The following MPDZ variants were observed in gnomAD, a reference collection of about 807,000 sequenced individuals.
The protein encoded by MPDZ is multiple PDZ domain crumbs cell polarity complex component.
A neutral mutation model predicts 239.1 loss-of-function variants in MPDZ; 234 were observed. The observed-to-expected ratio is 0.98, with a 90% CI of 0.88 to 1.09. The LOEUF (loss-of-function observed/expected upper bound fraction) is 1.09. Ranked by LOEUF, MPDZ falls within the 50% of genes least tolerant of loss-of-function variation. The pLI is 0.00. For missense variants in MPDZ, 3,175 were observed against 2,510.0 expected (o/e 1.26, Z -5.66); for synonymous variants, 1,048 against 881.3 (o/e 1.19, Z -3.35).
At chr9:13,210,767 G>A (rs1479446550) in intron 10 of MPDZ, among the ~76,000 whole-genome samples, 1 of 152,102 alleles carries the variant, frequency 6.6e-6, no homozygotes, top group Non-Finnish European at 1.5e-5. Flanking sequence ...TCAGGGGCCA[G>A]TGGGAAGAAG....
At position 13,250,398 on chromosome 9, in the gene MPDZ, T is replaced by A. The variant is rs866123277; in HGVS notation, c.-57-26A>T. On this transcript the variant is annotated intron_variant, in intron 1 of 46. Transcript: ENST00000319217. Reference sequence around the variant, plus strand: ...CTGTGCAAAAAAGAAATAGAATGGTTATGTTTTATCAGAACTTTATATTCT... The same window carrying A: ...CTGTGCAAAAAAGAAATAGAATGGTAATGTTTTATCAGAACTTTATATTCT... 34 of 1,238,848 alleles carry A rather than the reference T, an allele frequency of 2.7e-5. 2 individuals are homozygous for A. In the Middle Eastern group the frequency reaches 5.5e-3, roughly 200 times the overall value. 76.7% of individuals were successfully genotyped at this position (1,238,848 alleles called of 1,614,324 possible).
At chr9:13,190,052 C>A in intron 16 of MPDZ, 62 bp downstream of exon 16, 1 of 1,436,674 alleles carries the variant, frequency 7.0e-7, no homozygotes. Context: ...CTATCATCAT[C>A]TGCTTTTTCT....
At chr9:13,236,244 T>G (rs1963933728) in intron 3 of MPDZ, among the ~76,000 whole-genome samples, 1 of 5,976 alleles carries the variant, frequency 1.7e-4, no homozygotes, top group Non-Finnish European at 1.3e-3. Flanking sequence ...TATGTGTGTG[T>G]GTGTGTATAT....
At chr9:13,113,838 TGG>T in intron 41 of MPDZ, 91 bp downstream of exon 41, 1 of 965,012 alleles carries the variant, frequency 1.0e-6, no homozygotes. Flanking sequence ...TGGGATGATT[TGG>T]GGGAAAAGAA....
In MPDZ at chr9:13,168,415, G is replaced by T. The variant is rs776267677; in HGVS notation, c.3205C>A (p.Gln1069Lys). Residue 1069 changes from glutamine (Q) to lysine (K), a missense_variant, in exon 22 of 47, where the codon CAG (glutamine) becomes AAG (lysine). Coordinates refer to ENST00000319217, the MANE Select transcript of MPDZ (RefSeq NM_001378778.1). ...EESTISVTNA[Q>K]ARAMLRRHSL... is the part of the protein sequence containing the mutation. ...TGTCTTCTCAACATAGCTCGTGCCT[G>T]GGCATTGGTTACACTGATGGTAGAC... 9 of 1,613,330 alleles carry T rather than the reference G, an allele frequency of 5.6e-6. No individual in the cohort carries two copies. The highest frequency in any genetic ancestry group is 7.6e-6 in the Non-Finnish European group (9 of 1,179,564).
chr9:13,179,396 C>G (rs898896916), intron 19 of MPDZ, among the ~76,000 whole-genome samples: 1 of 152,130 alleles, frequency 6.6e-6, no homozygotes, highest in African/African-American at 2.4e-5. Flanking sequence ...CAAAAGAGGT[C>G]AAGTCGCCCT....
At chr9:13,259,848 G>A (rs1026554827) in intron 1 of MPDZ, among the ~76,000 whole-genome samples, 3 of 151,866 alleles carry the variant, frequency 2.0e-5, no homozygotes, top group African/African-American at 4.8e-5. Flanking sequence ...TTTTTGTTTT[G>A]TTTGAGATGG....
At chr9:13,240,580 T>TAAAAAAAA (rs71331533) in intron 3 of MPDZ, among the ~76,000 whole-genome samples, 5 of 44,012 alleles carry the variant, frequency 1.1e-4, no homozygotes, top group East Asian at 8.8e-4. Context: ...ATAATAAAAG[T>TAAAAAAAA]AAAAAAAAAA....
chr9:13,260,075 C>T (rs1344414464), intron 1 of MPDZ, among the ~76,000 whole-genome samples: 1 of 151,864 alleles, frequency 6.6e-6, no homozygotes, highest in East Asian at 1.9e-4. Context: ...CTCCTGACCT[C>T]AAGTGATCCA....
intron 3 of MPDZ, among the ~76,000 whole-genome samples, chr9:13,236,955 T>C (rs1052442833): frequency 2.6e-4 from 40 of 152,214 alleles, no homozygotes; most frequent in African/African-American, 9.2e-4. Flanking sequence ...TTATTTCTTA[T>C]TATTGTTACT....
At chr9:13,190,531 G>T (rs931484770) in intron 15 of MPDZ, among the ~76,000 whole-genome samples, 6 of 152,022 alleles carry the variant, frequency 3.9e-5, no homozygotes, top group Admixed American at 3.9e-4. Context: ...TGATTCAAAG[G>T]TCTATGAAAA....
Position 13,175,746 on chromosome 9 carries a change from ACTTAC to A in MPDZ, c.3055+1_3055+5del, listed in dbSNP as rs1952392428. ...AGTAGGTATATGAGGAAAATGAGAAACTTACCTAGGCTAGAATTGCCTTTTGCTAT... is the reference window on the plus strand; with the variant it reads ...AGTAGGTATATGAGGAAAATGAGAAACTAGGCTAGAATTGCCTTTTGCTAT... On this transcript the variant is annotated splice_donor_variant and splice_donor_5th_base_variant and intron_variant, in intron 21 of 46. Coordinates refer to ENST00000319217, the MANE Select transcript of MPDZ (RefSeq NM_001378778.1). LOFTEE classifies it high-confidence loss of function. The A allele has an allele frequency of 6.4e-7, 1 of 1,567,072 alleles. No homozygotes were observed. Among genetic ancestry groups the A allele is most frequent in the Non-Finnish European group, 8.7e-7 (1 of 1,153,900 alleles).
chr9:13,261,641 C>T (rs1038969918), intron 1 of MPDZ, among the ~76,000 whole-genome samples: 1 of 152,106 alleles, frequency 6.6e-6, no homozygotes, highest in Non-Finnish European at 1.5e-5. Flanking sequence ...AGCTCCTACA[C>T]TTGATGGGTG....
At chr9:13,198,730 T>TCG (rs1293035027) in intron 12 of MPDZ, among the ~76,000 whole-genome samples, 1 of 51,744 alleles carries the variant, frequency 1.9e-5, no homozygotes, top group Non-Finnish European at 3.1e-5. Context: ...GTCTTTAATC[T>TCG]CTCTCTCTGT....
chr9:13,180,449 C>T (rs1369881470), intron 19 of MPDZ, among the ~76,000 whole-genome samples: 1 of 151,966 alleles, frequency 6.6e-6, no homozygotes, highest in African/African-American at 2.4e-5. Context: ...TATGAGTGTA[C>T]ACGGGAGGGC....
chr9:13,259,831 G>T (rs183195895), intron 1 of MPDZ, among the ~76,000 whole-genome samples: 2 of 152,018 alleles, frequency 1.3e-5, no homozygotes, highest in African/African-American at 4.8e-5. Flanking sequence ...AAAAAGTTTA[G>T]ATTTGTTTTT....
At chr9:13,111,993 T>TACA in intron 43 of MPDZ, 31 bp downstream of exon 43, 1 of 1,608,078 alleles carries the variant, frequency 6.2e-7, no homozygotes, top group Admixed American at 1.7e-5. Context: ...CACATTTTGC[T>TACA]AGGGCTTCTA....
chr9:13,242,391 A>AATTTTTGT (rs1480752597), intron 3 of MPDZ, among the ~76,000 whole-genome samples: 2 of 151,676 alleles, frequency 1.3e-5, no homozygotes, highest in African/African-American at 4.8e-5. Context: ...ACGCTCGGCT[A>AATTTTTGT]ATTTTTGTAT....
chr9:13,204,136 G>A (rs992461204), intron 12 of MPDZ, among the ~76,000 whole-genome samples: 5 of 152,170 alleles, frequency 3.3e-5, no homozygotes, highest in Admixed American at 2.0e-4. Flanking sequence ...CAAAGCTTCG[G>A]TATAAGTATA....
Sources: allele counts gnomAD v4.1 joint callset (sites outside exome capture counted in the v4.1 genomes callset), GRCh38; gene constraint gnomAD v4.1.1; transcripts MANE v1.5; gene names NCBI Gene and HGNC (gene_info 2026-07-23, HGNC 2026-07-21).